The following UBE2W variants were observed in gnomAD, a reference collection of about 807,000 sequenced individuals.
UBE2W encodes ubiquitin conjugating enzyme E2 W, also known as ubiquitin-conjugating enzyme E2 W.
In UBE2W, 18 loss-of-function variants were observed where a neutral mutation model predicts 27.2. That is an observed-to-expected ratio of 0.66 (90% CI 0.46 to 0.98). The LOEUF (loss-of-function observed/expected upper bound fraction) is 0.98, where lower values mean the gene tolerates loss of function less well. Ranked by LOEUF, UBE2W falls within the 50% of genes least tolerant of loss-of-function variation. UBE2W has a pLI of 0.00. For missense variants in UBE2W, 90 were observed against 180.2 expected, an observed-to-expected ratio of 0.50 and a Z score of 2.87; for synonymous variants, 53 against 57.2, an observed-to-expected ratio of 0.93 and a Z score of 0.33.
chr8:73,843,618 G>A (rs1810638133), intron 1 of UBE2W, among the ~76,000 whole-genome samples: 2 of 152,062 alleles, frequency 1.3e-5, no homozygotes, highest in Admixed American at 6.6e-5. Context: ...CTGAGTGACA[G>A]AGAGAGACCC....
chr8:73,846,740 T>C (rs757653033), intron 1 of UBE2W, among the ~76,000 whole-genome samples: 4 of 152,026 alleles, frequency 2.6e-5, no homozygotes, highest in Non-Finnish European at 5.9e-5. Flanking sequence ...ATTCAACACA[T>C]AAATTTGGAA....
intron 4 of UBE2W, among the ~76,000 whole-genome samples, chr8:73,806,026 G>A (rs556722766): frequency 3.9e-5 from 6 of 152,168 alleles, no homozygotes; most frequent in Non-Finnish European, 7.4e-5. Context: ...ATGGTGGTGC[G>A]TGCCTGTAAT....
intron 1 of UBE2W, among the ~76,000 whole-genome samples, chr8:73,867,804 C>T (rs1292012292): frequency 6.6e-6 from 1 of 151,670 alleles, no homozygotes; most frequent in Non-Finnish European, 1.5e-5. Context: ...ACACTTAATA[C>T]ATCATTAGCC....
At chr8:73,829,228 G>T (rs1809974587) in intron 2 of UBE2W, among the ~76,000 whole-genome samples, 1 of 151,944 alleles carries the variant, frequency 6.6e-6, no homozygotes, top group Non-Finnish European at 1.5e-5. Context: ...TGTGTTGTGT[G>T]GTTTCCCCAT....
intron 4 of UBE2W, among the ~76,000 whole-genome samples, chr8:73,807,875 C>A (rs190674217): frequency 1.3e-5 from 2 of 152,060 alleles, no homozygotes; most frequent in African/African-American, 4.8e-5. Flanking sequence ...AGAAGTCTTA[C>A]GAAATTGTTT....
chr8:73,856,278 C>T (rs972564486), intron 1 of UBE2W, among the ~76,000 whole-genome samples: 1 of 151,572 alleles, frequency 6.6e-6, no homozygotes, highest in Non-Finnish European at 1.5e-5. Context: ...AAACGCTACT[C>T]AGTGTAAACA....
intron 1 of UBE2W, among the ~76,000 whole-genome samples, chr8:73,858,902 G>T: frequency 6.6e-6 from 1 of 150,456 alleles, no homozygotes; most frequent in Non-Finnish European, 1.5e-5. Flanking sequence ...GTGTGTGTGT[G>T]TGTGTGTTGG....
chr8:73,871,905 T>C (rs1022655158), intron 1 of UBE2W, among the ~76,000 whole-genome samples: 1 of 151,850 alleles, frequency 6.6e-6, no homozygotes, highest in Non-Finnish European at 1.5e-5. Context: ...TTTATATAAA[T>C]TTTTTGAGAC....
chr8:73,802,884 G>A (rs576336957), intron 5 of UBE2W, among the ~76,000 whole-genome samples: 2 of 152,316 alleles, frequency 1.3e-5, no homozygotes, highest in Non-Finnish European at 2.9e-5. Flanking sequence ...TTAGCCGAGC[G>A]AGGTGGCGGG....
chr8:73,872,670 A>C (rs977702517), intron 1 of UBE2W, among the ~76,000 whole-genome samples: 1 of 152,240 alleles, frequency 6.6e-6, no homozygotes, highest in Non-Finnish European at 1.5e-5. Flanking sequence ...GTTTGGCATC[A>C]CAGAGAAATC....
chr8:73,820,780 CAAAA>C lies in UBE2W; in HGVS notation c.210+4363_210+4366del, dbSNP rs1189026131. Among the ~76,000 whole-genome samples, 490 of 97,792 alleles carry C rather than the reference CAAAA, an allele frequency of 5.0e-3. 4 individuals are homozygous for C. The highest frequency in any genetic ancestry group is 0.016 in the South Asian group (48 of 3,084). The allele number at this position is 97,792 out of a possible 152,430, so 64.2% of individuals were successfully genotyped here. A position where few individuals can be genotyped will look rare whatever the true frequency, so the allele number is the denominator to read the frequency against. On this transcript the variant is annotated intron_variant, in intron 3 of 5. Coordinates refer to ENST00000602593, the MANE Select transcript of UBE2W (RefSeq NM_018299.6). The stretch of plus-strand genomic sequence containing the variant: ...ACAAACAAACAAACAAACAAACAAA[CAAAA>C]AAACAAAATAAAAAAACCAAGCCAG...
rs1418529075 is a variant in UBE2W at position 73,793,023 on chromosome 8, G to A, written c.*1079C>T. 6.4e-5 allele frequency: 63 copies of A among 985,190 alleles called. No individual in the cohort carries two copies. Among genetic ancestry groups the A allele is most frequent in the Non-Finnish European group, 7.5e-5 (62 of 829,522 alleles). 61.0% of individuals were successfully genotyped at this position (985,190 alleles called of 1,614,324 possible). ...AGGGTACAGGATTAAAGGACAAGATGATACTCACAAGTAAAGAAAATTTAC... is the reference window on the plus strand; with the variant it reads ...AGGGTACAGGATTAAAGGACAAGATAATACTCACAAGTAAAGAAAATTTAC... On this transcript the variant is annotated 3_prime_UTR_variant, in exon 6 of 6. Transcript: ENST00000602593.
intron 1 of UBE2W, among the ~76,000 whole-genome samples, chr8:73,861,751 C>A (rs1811542523): frequency 6.6e-6 from 1 of 152,164 alleles, no homozygotes; most frequent in African/African-American, 2.4e-5. Context: ...TATGGAACCG[C>A]CCCATAGCCA....
chr8:73,790,670 T>C lies in UBE2W; in HGVS notation c.*3432A>G. 1.0e-6 allele frequency: 1 copy of C among 982,526 alleles called. No individual in the cohort carries two copies. The highest frequency in any genetic ancestry group is 1.2e-6 in the Non-Finnish European group (1 of 827,286). 60.9% of individuals were successfully genotyped at this position (982,526 alleles called of 1,614,324 possible). A position where few individuals can be genotyped will look rare whatever the true frequency, so the allele number is the denominator to read the frequency against. On this transcript the variant is annotated 3_prime_UTR_variant, in exon 6 of 6. Coordinates refer to ENST00000602593, the MANE Select transcript of UBE2W (RefSeq NM_018299.6). ...TTGTAACACACAGTACCTCCTCTTCTCTTCTATTTTTAGGAAGAAGTTATA... is the reference window on the plus strand; with the variant it reads ...TTGTAACACACAGTACCTCCTCTTCCCTTCTATTTTTAGGAAGAAGTTATA...
intron 1 of UBE2W, among the ~76,000 whole-genome samples, chr8:73,868,609 TG>T (rs1811873382): frequency 6.6e-6 from 1 of 150,744 alleles, no homozygotes; most frequent in Non-Finnish European, 1.5e-5. Flanking sequence ...GTGTCTAAAG[TG>T]GGGGCCAGTC....
In UBE2W at chr8:73,844,320, G is replaced by C. The variant is rs182226779; in HGVS notation, c.16-13848C>G. Among the ~76,000 whole-genome samples the C allele has an allele frequency of 5.2e-3, 788 of 152,260 alleles. 8 individuals carry two copies. The highest frequency in any genetic ancestry group is 0.024 in the Middle Eastern group (7 of 294). On this transcript the variant is annotated intron_variant, in intron 1 of 5. Transcript: ENST00000602593. ...GCGCCGCCACACCTGACTGGTTTTCGTATCTTTTGGTGGAGACAGGGTTTC... is the reference window on the plus strand; with the variant it reads ...GCGCCGCCACACCTGACTGGTTTTCCTATCTTTTGGTGGAGACAGGGTTTC...
chr8:73,794,059 C>T lies in UBE2W; in HGVS notation c.*43G>A, dbSNP rs1288171872. On this transcript the variant is annotated 3_prime_UTR_variant, in exon 6 of 6. Transcript: ENST00000602593. ...ACTGAATGATCAAAGTGCTCATTTT[C>T]TCAGTAGGACTATCTTCTGCTAGGA... 3.1e-6 allele frequency: 5 copies of T among 1,611,602 alleles called. No homozygotes were observed. The Admixed American group carries it at 6.7e-5, about 22-fold the overall frequency.
chr8:73,800,022 A>T (rs1808573229), intron 5 of UBE2W, among the ~76,000 whole-genome samples: 1 of 152,220 alleles, frequency 6.6e-6, no homozygotes, highest in Non-Finnish European at 1.5e-5. Flanking sequence ...CAAGCGTATG[A>T]TTATCTTTGT....
intron 1 of UBE2W, among the ~76,000 whole-genome samples, chr8:73,840,719 C>T (rs1030125509): frequency 1.1e-4 from 17 of 152,100 alleles, no homozygotes; most frequent in Admixed American, 6.5e-5. Flanking sequence ...GGGCTGAACC[C>T]GCATACAGGT....
Sources: gnomAD v4.1 joint callset for allele counts (sites outside exome capture counted in the v4.1 genomes callset) on GRCh38, gnomAD v4.1.1 for gene constraint, MANE v1.5 for transcripts, NCBI Gene and HGNC (gene_info 2026-07-23, HGNC 2026-07-21) for gene names.